The following LRP1B variants were observed in gnomAD, a reference collection of about 807,000 sequenced individuals.
The protein encoded by LRP1B is LDL receptor related protein 1B, also known as low-density lipoprotein receptor-related protein 1B.
In LRP1B, 217 loss-of-function variants were observed where a neutral mutation model predicts 556.6. The observed-to-expected ratio is 0.39, with a 90% CI of 0.35 to 0.44. LRP1B has a LOEUF of 0.44. Ranked by LOEUF, LRP1B falls within the 20% of genes least tolerant of loss-of-function variation. The probability of loss-of-function intolerance (pLI) is 1.00; values close to 1 mark genes in which losing one functional copy is unlikely to be tolerated. For synonymous variants in LRP1B, 2,047 were observed against 1,865.8 expected (o/e 1.10, Z -2.50); for missense variants, 5,053 against 5,620.8 (o/e 0.90, Z 3.23).
intron 7 of LRP1B, among the ~76,000 whole-genome samples, chr2:141,112,071 TAATAAATA>T (rs71391645): frequency 2.1e-5 from 3 of 145,822 alleles, no homozygotes; most frequent in South Asian, 4.3e-4. Flanking sequence ...AATAAATAAA[TAATAAATA>T]AATAAATAAA....
rs989184931 is a variant in LRP1B, at chr2:141,299,740, C to T, written c.344-45099G>A. Among the ~76,000 whole-genome samples, 9 of 152,154 alleles carry T rather than the reference C, an allele frequency of 5.9e-5. No individual in the cohort carries two copies. In the East Asian group the frequency reaches 1.3e-3, roughly 23 times the overall value. ...CATTCTAAAATTAATCACACTTTAA[C>T]ATCCTTTTGTATGTTACCTAATTAG... On this transcript the variant is annotated intron_variant, in intron 3 of 90. Transcript: ENST00000389484.
At position 140,361,790 on chromosome 2, in the gene LRP1B, C is replaced by T. The variant is rs188845081; in HGVS notation, c.11132-2844G>A. ...GAATATTCCATTGTATTTAATACCA[C>T]ATTTTATGCTGGTTGTTGAATTTAT... On this transcript the variant is annotated intron_variant, in intron 72 of 90. Transcript: ENST00000389484. 2.6e-3 allele frequency among the ~76,000 whole-genome samples: 388 copies of T among 151,556 alleles called. 2 individuals carry two copies. Among genetic ancestry groups the T allele is most frequent in the African/African-American group, 8.9e-3 (367 of 41,440 alleles).
At chr2:140,987,358 T>G (rs1267599277) in intron 17 of LRP1B, among the ~76,000 whole-genome samples, 1 of 152,128 alleles carries the variant, frequency 6.6e-6, no homozygotes, top group Non-Finnish European at 1.5e-5. Flanking sequence ...TTAGATATCT[T>G]ATTATTAGGT....
Position 141,234,533 on chromosome 2 carries a change from T to G in LRP1B, c.593-5093A>C, listed in dbSNP as rs900333148. Among the ~76,000 whole-genome samples the G allele has an allele frequency of 3.9e-5, 6 of 151,942 alleles. No homozygotes were observed. The East Asian group carries it at 1.2e-3, about 29-fold the overall frequency. The stretch of plus-strand genomic sequence containing the variant: ...CTGGGACTACACACTTGCACCACCA[T>G]GCCCGATTAATTTTTGTATTTTTAG... On this transcript the variant is annotated intron_variant, in intron 5 of 90. Transcript: ENST00000389484.
chr2:141,534,481 C>A (rs1684997866), intron 2 of LRP1B, among the ~76,000 whole-genome samples: 1 of 151,968 alleles, frequency 6.6e-6, no homozygotes, highest in Non-Finnish European at 1.5e-5. Flanking sequence ...GAAGTTTTTC[C>A]GTGGTACTTA....
At chr2:140,551,064 C>T (rs1680531090) in intron 43 of LRP1B, among the ~76,000 whole-genome samples, 1 of 152,054 alleles carries the variant, frequency 6.6e-6, no homozygotes, top group Admixed American at 6.6e-5. Context: ...ATCACTAGAC[C>T]CTCATCATGC....
chr2:141,241,453 G>A (rs893672608), intron 5 of LRP1B, among the ~76,000 whole-genome samples: 1 of 151,970 alleles, frequency 6.6e-6, no homozygotes, highest in Non-Finnish European at 1.5e-5. Context: ...TGGTGGAGAG[G>A]ACACACTTAT....
intron 2 of LRP1B, among the ~76,000 whole-genome samples, chr2:141,717,796 T>G (rs772354675): frequency 6.6e-6 from 1 of 152,324 alleles, no homozygotes; most frequent in Non-Finnish European, 1.5e-5. Context: ...TTGGAATAAG[T>G]AAAGATTTCA....
At chr2:141,478,181 G>A (rs1682781960) in intron 3 of LRP1B, among the ~76,000 whole-genome samples, 1 of 151,976 alleles carries the variant, frequency 6.6e-6, no homozygotes, top group African/African-American at 2.4e-5. Flanking sequence ...CCCCTTTTAT[G>A]CTATTAACAT....
intron 66 of LRP1B, among the ~76,000 whole-genome samples, chr2:140,406,450 G>T (rs1204771835): frequency 1.3e-5 from 2 of 151,960 alleles, no homozygotes; most frequent in Non-Finnish European, 2.9e-5. Context: ...AAACCCTAAA[G>T]ACCCCACCAA....
intron 49 of LRP1B, among the ~76,000 whole-genome samples, chr2:140,518,261 T>C (rs1299150082): frequency 6.6e-6 from 1 of 152,102 alleles, no homozygotes; most frequent in Non-Finnish European, 1.5e-5. Flanking sequence ...ACCAAAACAT[T>C]TTAGGATGCT....
intron 52 of LRP1B, among the ~76,000 whole-genome samples, chr2:140,507,157 C>A (rs886675250): frequency 6.6e-6 from 1 of 152,000 alleles, no homozygotes. Flanking sequence ...TTCAACTATT[C>A]CAGAGTGACC....
At chr2:141,368,301 G>T (rs1185334114) in intron 3 of LRP1B, among the ~76,000 whole-genome samples, 3 of 152,134 alleles carry the variant, frequency 2.0e-5, no homozygotes, top group East Asian at 3.9e-4. Context: ...ATGTGATTTT[G>T]GAGATGAGGC....
intron 43 of LRP1B, among the ~76,000 whole-genome samples, chr2:140,578,679 A>G (rs1393948663): frequency 6.6e-6 from 1 of 152,184 alleles, no homozygotes; most frequent in Non-Finnish European, 1.5e-5. Flanking sequence ...AACATGGCAC[A>G]TGTATACATA....
intron 65 of LRP1B, 72 bp from the exon 66 acceptor site, chr2:140,442,695 AC>A: frequency 6.8e-7 from 1 of 1,473,346 alleles, no homozygotes; most frequent in Non-Finnish European, 9.4e-7. Flanking sequence ...AATTTTACAG[AC>A]AAATGTTTAA....
intron 17 of LRP1B, among the ~76,000 whole-genome samples, chr2:140,987,732 C>T (rs139370163): frequency 2.0e-5 from 3 of 152,178 alleles, no homozygotes; most frequent in African/African-American, 7.2e-5. Context: ...CACCTGCAAT[C>T]CAAGCACTTT....
In LRP1B at chr2:141,620,061, T is replaced by C. The variant is rs554037739; in HGVS notation, c.206-139528A>G. ...TGGAACTCCTGGGCTCAAGCAATCC[T>C]CCCACCTTGGCCTCCTGAGTAGCTG... On this transcript the variant is annotated intron_variant, in intron 2 of 90. Transcript: ENST00000389484. Among the ~76,000 whole-genome samples, 5 of 152,288 alleles carry C rather than the reference T, an allele frequency of 3.3e-5. No homozygotes were observed. In the South Asian group the frequency reaches 8.3e-4, roughly 25 times the overall value.
In LRP1B at chr2:140,724,166, T is replaced by TA. The variant is rs776570123; in HGVS notation, c.5759-7351dup. On this transcript the variant is annotated intron_variant, in intron 35 of 90. Transcript: ENST00000389484. ...GTAATAAGTTCCGGTAATCTTTTCTTAGAGTTTATATACAATTCATTAAGA... is the reference window on the plus strand; with the variant it reads ...GTAATAAGTTCCGGTAATCTTTTCTTAAGAGTTTATATACAATTCATTAAGA... 5.2e-4 allele frequency among the ~76,000 whole-genome samples: 79 copies of TA among 152,260 alleles called. 1 individual carries two copies. Among genetic ancestry groups the TA allele is most frequent in the Admixed American group, 2.4e-3 (36 of 15,300 alleles).
At chr2:140,800,377 C>T (rs1056861646) in intron 32 of LRP1B, among the ~76,000 whole-genome samples, 7 of 151,998 alleles carry the variant, frequency 4.6e-5, no homozygotes, top group African/African-American at 1.7e-4. Flanking sequence ...TGCACATGTA[C>T]CCTAGAACTT....
Sources: allele counts gnomAD v4.1 joint callset (sites outside exome capture counted in the v4.1 genomes callset), GRCh38; gene constraint gnomAD v4.1.1; transcripts MANE v1.5; gene names NCBI Gene and HGNC (gene_info 2026-07-23, HGNC 2026-07-21).